The following FHIP2B variants were observed in gnomAD, a reference collection of about 807,000 sequenced individuals.
FHIP2B encodes FHF complex subunit HOOK interacting protein 2B, also known as FHF complex subunit HOOK-interacting protein 2B.
Under a neutral mutation model 84.0 loss-of-function variants are expected in FHIP2B, and 72 were observed. That is an observed-to-expected ratio of 0.86 (90% CI 0.71 to 1.04). FHIP2B has a LOEUF of 1.04. FHIP2B is among the 50% of genes least tolerant of loss of function. The pLI is 0.00. For synonymous variants in FHIP2B, 497 were observed against 418.7 expected (o/e 1.19, Z -2.28); for missense variants, 972 against 968.9 (o/e 1.00, Z -0.04).
intron 2 of FHIP2B, chr8:22,096,102 G>A (rs1825750998): frequency 4.4e-6 from 2 of 459,556 alleles, no homozygotes; most frequent in Non-Finnish European, 7.7e-6. Context: ...CCTGATAAAG[G>A]GCTGGGCATG....
At chr8:22,090,742 A>T (rs139298777) in intron 1 of FHIP2B, among the ~76,000 whole-genome samples, 2,582 of 152,182 alleles carry the variant, frequency 0.017, 49 homozygotes, top group African/African-American at 0.058. Context: ...CTCCCACCTC[A>T]GCCTCCTGAG....
chr8:22,091,189 G>C (rs142320825), intron 1 of FHIP2B, among the ~76,000 whole-genome samples: 1 of 149,150 alleles, frequency 6.7e-6, no homozygotes, highest in Non-Finnish European at 1.5e-5. Flanking sequence ...TGAGTAGGAA[G>C]ACTGCTCCTT....
Position 22,104,072 on chromosome 8 carries a change from C to T in FHIP2B, c.*1141C>T, listed in dbSNP as rs547384581. The T allele has an allele frequency of 1.3e-5, 2 of 152,488 alleles. No homozygotes were observed. The highest frequency in any genetic ancestry group is 4.8e-5 in the African/African-American group (2 of 41,464). The allele number at this position is 152,488 out of a possible 1,614,324, so 9.4% of individuals were successfully genotyped here. ...TTCTTGCCCATGCCGCTTCTAGAAG[C>T]CAGGCACAGGTTGCCAAGAGGTGAC... On this transcript the variant is annotated 3_prime_UTR_variant, in exon 17 of 17. Transcript: ENST00000289921.
chr8:22,092,431 T>C (rs1319662705), intron 1 of FHIP2B, among the ~76,000 whole-genome samples: 1 of 151,932 alleles, frequency 6.6e-6, no homozygotes, highest in African/African-American at 2.4e-5. Context: ...AATACAAAAA[T>C]CAGCCAGGCG....
rs1826185492 is a variant in FHIP2B, at chr8:22,102,557, G to T, written c.2022G>T (p.Gln674His). The T allele has an allele frequency of 6.4e-7, 1 of 1,561,896 alleles. No individual in the cohort carries two copies. The highest frequency in any genetic ancestry group is 1.2e-5 in the South Asian group (1 of 84,712). ...TCGGGGACTTGATGCAGAGAATCCA[G>T]AGGGTACCCCAGTTCCCAGGCAAGC... ...RVIGDLMQRIQRVPQFPGKLL... is the reference protein window; with the variant it reads ...RVIGDLMQRIHRVPQFPGKLL... Residue 674 changes from glutamine to histidine, a missense_variant, in exon 16 of 17, where the codon CAG (glutamine) becomes CAT (histidine). By Grantham distance (24) the Gln-to-His change is conservative (BLOSUM62 0). Transcript: ENST00000289921.
In FHIP2B at chr8:22,097,889, C is replaced by T. The variant is rs78824473; in HGVS notation, c.525+50C>T. On this transcript the variant is annotated intron_variant, in intron 5 of 16. Coordinates refer to ENST00000289921, the MANE Select transcript of FHIP2B (RefSeq NM_022749.7). ...AGGGGGAGGGCCCAGAACCCCAGGG[C>T]AAGCCCCCTCTGCCCTCCTGAGGAG... is the stretch of plus-strand genomic sequence containing the variant. 1,011 of 1,597,222 alleles carry T rather than the reference C, an allele frequency of 6.3e-4. 7 individuals carry two copies. The African/African-American group carries it at 0.012, about 19-fold the overall frequency.
chr8:22,101,253 C>T (rs1355648248), intron 12 of FHIP2B, 187 bp from the exon 13 acceptor site: 1 of 638,134 alleles, frequency 1.6e-6, no homozygotes, highest in Non-Finnish European at 2.7e-6. Flanking sequence ...GAACTCCTGA[C>T]CTCAGGTGAT....
intron 10 of FHIP2B, 125 bp downstream of exon 10, chr8:22,100,018 A>T: frequency 1.0e-6 from 1 of 962,864 alleles, no homozygotes; most frequent in South Asian, 2.0e-5. Context: ...ACTGCAAAAC[A>T]CTGCCGAGCC....
chr8:22,102,048 A>G, intron 14 of FHIP2B, 127 bp from the exon 15 acceptor site: 1 of 1,557,240 alleles, frequency 6.4e-7, no homozygotes, highest in Non-Finnish European at 8.6e-7. Flanking sequence ...GGAATCCATG[A>G]CACACACACA....
rs1332489347 is a variant in FHIP2B, at chr8:22,098,555, T to C, written c.901T>C (p.Tyr301His). The C allele has an allele frequency of 1.2e-6, 2 of 1,611,054 alleles. No homozygotes were observed. Among genetic ancestry groups the C allele is most frequent in the Admixed American group, 3.4e-5 (2 of 59,670 alleles). Residue 301 changes from tyrosine (Y) to histidine (H), a missense_variant, in exon 7 of 17, where the codon TAC becomes CAC. By Grantham distance (83) the Tyr-to-His change is moderately conservative. Transcript: ENST00000289921. ...PAIVRHLCQLYRSMPVFLDPA... is the reference protein window; with the variant it reads ...PAIVRHLCQLHRSMPVFLDPA... ...GATCGTCCGGCACCTTTGCCAGTTG[T>C]ACCGGTCCATGCCTGTCTTCCTGGA...
At chr8:22,095,220 C>G (rs2131695952) in intron 2 of FHIP2B, 1 of 152,434 alleles carries the variant, frequency 6.6e-6, no homozygotes, top group Middle Eastern at 3.4e-3. Context: ...TACAGGCTTT[C>G]TTTCCAGCCC....
intron 1 of FHIP2B, among the ~76,000 whole-genome samples, chr8:22,090,788 C>G (rs1205854062): frequency 6.6e-6 from 1 of 152,100 alleles, no homozygotes; most frequent in Non-Finnish European, 1.5e-5. Flanking sequence ...CCACGCCAGG[C>G]TAATTTTTGT....
At chr8:22,091,269 T>TTA (rs1825478536) in intron 1 of FHIP2B, among the ~76,000 whole-genome samples, 1 of 96,462 alleles carries the variant, frequency 1.0e-5, no homozygotes, top group African/African-American at 3.4e-5. Flanking sequence ...TTTTTTTTTT[T>TTA]AAGATGGAGT....
chr8:22,099,416 A>G, intron 9 of FHIP2B, 56 bp downstream of exon 9: 1 of 1,560,222 alleles, frequency 6.4e-7, no homozygotes, highest in South Asian at 1.1e-5. Flanking sequence ...CACCTACCCC[A>G]CCCAGCCTCG....
chr8:22,094,559 G>A, intron 2 of FHIP2B, 41 bp downstream of exon 2: 1 of 1,607,908 alleles, frequency 6.2e-7, no homozygotes, highest in Non-Finnish European at 8.5e-7. Flanking sequence ...CCTGGAGGGA[G>A]CGGGGAGGAA....
intron 2 of FHIP2B, chr8:22,095,469 G>C (rs562466491): frequency 1.4e-5 from 2 of 140,832 alleles, no homozygotes; most frequent in Non-Finnish European, 1.5e-5. Flanking sequence ...TGTTCCCTGG[G>C]GGGGAAAAGC....
rs1465676805 is a variant in FHIP2B, at chr8:22,097,586, TG to T, written c.369del (p.Leu124CysfsTer57). ...SKVLAQVQHP[L>X]LHYLSVHRPV... is the part of the protein sequence containing the mutation. ...GTTCTGGCGCAGGTGCAGCACCCCC[TG>T]CTGCATTACCTCAGCGTCCACAGGC... is the stretch of plus-strand genomic sequence containing the variant. On this transcript the variant is annotated frameshift_variant, in exon 4 of 17. Transcript: ENST00000289921. LOFTEE classifies it high-confidence loss of function. 2 of 1,609,472 alleles carry T rather than the reference TG, an allele frequency of 1.2e-6. No individual in the cohort carries two copies. The highest frequency in any genetic ancestry group is 1.7e-6 in the Non-Finnish European group (2 of 1,178,250).
chr8:22,096,315 C>G (rs918421543), intron 2 of FHIP2B, 22 bp from the exon 3 acceptor site: 2 of 1,532,824 alleles, frequency 1.3e-6, no homozygotes, highest in African/African-American at 1.4e-5. Flanking sequence ...CCTACTCACC[C>G]TTGTTTCCCA....
At chr8:22,093,874 C>T (rs546879356) in intron 1 of FHIP2B, among the ~76,000 whole-genome samples, 1 of 151,920 alleles carries the variant, frequency 6.6e-6, no homozygotes, top group Non-Finnish European at 1.5e-5. Context: ...GACACCACCA[C>T]GTCCTGCTAG....
Sources: allele counts gnomAD v4.1 joint callset (sites outside exome capture counted in the v4.1 genomes callset), GRCh38; gene constraint gnomAD v4.1.1; transcripts MANE v1.5; gene names NCBI Gene and HGNC (gene_info 2026-07-23, HGNC 2026-07-21).